Variants in PPP1R7 observed in about 807,000 individuals in gnomAD.
The protein encoded by PPP1R7 is protein phosphatase 1 regulatory subunit 7.
A neutral mutation model predicts 45.2 loss-of-function variants in PPP1R7; 18 were observed. That is an observed-to-expected ratio of 0.40 (90% CI 0.28 to 0.59). The LOEUF is 0.59. PPP1R7 is among the 20% of genes least tolerant of loss of function. The probability of loss-of-function intolerance (pLI) is 0.46; values close to 1 mark genes in which losing one functional copy is unlikely to be tolerated. For synonymous variants in PPP1R7, 181 were observed against 183.4 expected (o/e 0.99, Z 0.11); for missense variants, 314 against 455.8 (o/e 0.69, Z 2.83).
chr2:241,177,510 A>T (rs549202680), intron 9 of PPP1R7, among the ~76,000 whole-genome samples: 1 of 152,334 alleles, frequency 6.6e-6, no homozygotes, highest in East Asian at 1.9e-4. Context: ...AAGCGTATGT[A>T]TTTTGCATGA....
At chr2:241,179,391 T>A (rs2067962999) in intron 9 of PPP1R7, among the ~76,000 whole-genome samples, 1 of 152,194 alleles carries the variant, frequency 6.6e-6, no homozygotes, top group Non-Finnish European at 1.5e-5. Context: ...CCAGTGTGAG[T>A]CATCTGTGCA....
At chr2:241,181,025 C>G (rs1187198071) in intron 9 of PPP1R7, among the ~76,000 whole-genome samples, 1 of 152,034 alleles carries the variant, frequency 6.6e-6, no homozygotes, top group African/African-American at 2.4e-5. Context: ...GTGGTGAAAC[C>G]CCATCTCTAC....
intron 9 of PPP1R7, among the ~76,000 whole-genome samples, chr2:241,173,077 A>C (rs149207148): frequency 0.025 from 3,801 of 151,802 alleles, 147 homozygotes; most frequent in African/African-American, 0.086. Flanking sequence ...TTTGAGACCA[A>C]CCTGACCAAC....
chr2:241,157,931 G>A (rs989501677), intron 3 of PPP1R7, 69 bp downstream of exon 3: 3 of 1,501,876 alleles, frequency 2.0e-6, no homozygotes, highest in Non-Finnish European at 2.8e-6. Flanking sequence ...TCTTGTATGA[G>A]ATTAGTAAGT....
At chr2:241,162,640 G>T (rs1033809005) in intron 6 of PPP1R7, among the ~76,000 whole-genome samples, 4 of 151,602 alleles carry the variant, frequency 2.6e-5, no homozygotes, top group Admixed American at 1.3e-4. Context: ...AGGTCAGAGT[G>T]CCCCGTACCT....
At chr2:241,159,671 T>C (rs1241855963) in intron 5 of PPP1R7, among the ~76,000 whole-genome samples, 2 of 152,196 alleles carry the variant, frequency 1.3e-5, no homozygotes, top group East Asian at 1.9e-4. Context: ...TAATCCAGAA[T>C]TGCCTCTTGC....
At chr2:241,163,560 CAT>C (rs1290109790) in intron 7 of PPP1R7, among the ~76,000 whole-genome samples, 159 bp downstream of exon 7, 2 of 152,200 alleles carry the variant, frequency 1.3e-5, no homozygotes, top group Non-Finnish European at 2.9e-5. Context: ...TTTATACACA[CAT>C]GTGCCAAGCA....
intron 7 of PPP1R7, among the ~76,000 whole-genome samples, chr2:241,165,956 G>A (rs1381355779): frequency 6.7e-6 from 1 of 149,052 alleles, no homozygotes; most frequent in East Asian, 2.0e-4. Context: ...AGGCTGGAGT[G>A]CAGTGGCATG....
intron 5 of PPP1R7, among the ~76,000 whole-genome samples, chr2:241,159,887 AAAG>A (rs956287614): frequency 1.3e-5 from 2 of 151,926 alleles, no homozygotes; most frequent in Non-Finnish European, 2.9e-5. Flanking sequence ...TAAAATTAAA[AAAG>A]AAGGAGCCAG....
At chr2:241,177,952 G>T (rs1050570897) in intron 9 of PPP1R7, among the ~76,000 whole-genome samples, 2 of 152,248 alleles carry the variant, frequency 1.3e-5, no homozygotes, top group Non-Finnish European at 2.9e-5. Flanking sequence ...CTGCCCGCTC[G>T]TTTAAGCCAA....
At chr2:241,160,902 G>T (rs1575389945) in intron 6 of PPP1R7, among the ~76,000 whole-genome samples, 1 of 151,394 alleles carries the variant, frequency 6.6e-6, no homozygotes, top group Admixed American at 6.6e-5. Flanking sequence ...GTGAACTGAT[G>T]TACATACCGG....
Position 241,159,411 on chromosome 2 carries a change from C to T in PPP1R7, c.434+68C>T, listed in dbSNP as rs888974450. The T allele has an allele frequency of 8.3e-6, 13 of 1,573,904 alleles. No individual in the cohort carries two copies. In the African/African-American group the frequency reaches 1.4e-4, roughly 16 times the overall value. ...CACTGGGTGGGGGGTGTCCAGTCTC[C>T]AGAGCCAACCTCCTGCTGGCTCTTA... On this transcript the variant is annotated intron_variant, in intron 5 of 9. Coordinates refer to ENST00000234038, the MANE Select transcript of PPP1R7 (RefSeq NM_002712.3).
chr2:241,169,271 C>T (rs2067773872), intron 8 of PPP1R7, among the ~76,000 whole-genome samples: 1 of 152,166 alleles, frequency 6.6e-6, no homozygotes, highest in South Asian at 2.1e-4. Context: ...CCTGCCTCTC[C>T]CACTGCTACT....
chr2:241,173,821 T>C (rs372049788), intron 9 of PPP1R7, among the ~76,000 whole-genome samples: 2 of 152,238 alleles, frequency 1.3e-5, no homozygotes, highest in Admixed American at 6.5e-5. Context: ...CATGATCTTA[T>C]CATCTGTAGT....
chr2:241,178,268 A>G (rs1189602610), intron 9 of PPP1R7, among the ~76,000 whole-genome samples: 1 of 152,158 alleles, frequency 6.6e-6, no homozygotes, highest in African/African-American at 2.4e-5. Flanking sequence ...TTAATTACAG[A>G]TGAGTCTAAC....
intron 4 of PPP1R7, 112 bp from the exon 5 acceptor site, chr2:241,159,101 G>A: frequency 7.7e-7 from 1 of 1,304,718 alleles, no homozygotes; most frequent in South Asian, 1.3e-5. Context: ...GCAGGAGAAT[G>A]AAGACATGTC....
chr2:241,183,373 C>T lies in PPP1R7; in HGVS notation c.*550C>T, dbSNP rs969612599. On this transcript the variant is annotated 3_prime_UTR_variant, in exon 10 of 10. Coordinates refer to ENST00000234038, the MANE Select transcript of PPP1R7 (RefSeq NM_002712.3). Reference sequence around the variant, plus strand: ...TGACTCAGCCCTGTGTGCTTGTGTTCCTTAGAGCTCTCCTTCAAAGAGCGC... The same window carrying T: ...TGACTCAGCCCTGTGTGCTTGTGTTTCTTAGAGCTCTCCTTCAAAGAGCGC... 1 of 470,964 alleles carries T rather than the reference C, an allele frequency of 2.1e-6. No homozygotes were observed. The highest frequency in any genetic ancestry group is 4.4e-6 in the Non-Finnish European group (1 of 227,026). The allele number at this position is 470,964 out of a possible 1,614,324, so 29.2% of individuals were successfully genotyped here. A position where few individuals can be genotyped will look rare whatever the true frequency, so the allele number is the denominator to read the frequency against.
At chr2:241,171,616 T>C (rs942271558) in intron 9 of PPP1R7, among the ~76,000 whole-genome samples, 3 of 152,254 alleles carry the variant, frequency 2.0e-5, no homozygotes, top group African/African-American at 7.2e-5. Flanking sequence ...TTTGTTCCAA[T>C]TACTGAGAGG....
chr2:241,149,764 G>C, upstream of PPP1R7: 1 of 1,538,968 alleles, frequency 6.5e-7, no homozygotes. Context: ...GGAGGACGCG[G>C]GGCGGCTCGT....
Sources: allele counts gnomAD v4.1 joint callset (sites outside exome capture counted in the v4.1 genomes callset), GRCh38; gene constraint gnomAD v4.1.1; transcripts MANE v1.5; gene names NCBI Gene and HGNC (gene_info 2026-07-23, HGNC 2026-07-21).